SIAH3: variants seen among roughly 807,000 people sequenced by gnomAD.
SIAH3 encodes the protein siah E3 ubiquitin protein ligase family member 3.
Under a neutral mutation model 12.6 loss-of-function variants are expected in SIAH3, and 9 were observed. The ratio of observed to expected loss-of-function variants is 0.72; its 90% confidence interval spans 0.43 to 1.25. The LOEUF (loss-of-function observed/expected upper bound fraction) is 1.25, where lower values mean the gene tolerates loss of function less well. SIAH3 is among the 50% of genes most tolerant of loss of function. The probability of loss-of-function intolerance (pLI) is 0.00; values close to 1 mark genes in which losing one functional copy is unlikely to be tolerated. For missense variants in SIAH3, 390 were observed against 365.4 expected (o/e 1.07, Z -0.55); for synonymous variants, 154 against 151.1 (o/e 1.02, Z -0.14).
chr13:45,782,476 T>C lies in SIAH3; in HGVS notation c.*907A>G, dbSNP rs1343566185. On this transcript the variant is annotated 3_prime_UTR_variant, in exon 2 of 2. Coordinates refer to ENST00000400405, the MANE Select transcript of SIAH3 (RefSeq NM_198849.3). ...CCTAGGGAGGAACTGATGGATTTTA[T>C]AACTTGATAATAAAACTCTCTGAGG... is the stretch of plus-strand genomic sequence containing the variant. The C allele has an allele frequency of 6.6e-6, 1 of 152,172 alleles. No homozygotes were observed. Among genetic ancestry groups the C allele is most frequent in the Non-Finnish European group, 1.5e-5 (1 of 68,018 alleles). The allele number at this position is 152,172 out of a possible 1,614,324, so 9.4% of individuals were successfully genotyped here. A position where few individuals can be genotyped will look rare whatever the true frequency, so the allele number is the denominator to read the frequency against.
Position 45,780,856 on chromosome 13 carries a change from G to A in SIAH3, c.*2527C>T, listed in dbSNP as rs557758413. ...GTTAGTATATTGAGGATACTAATGA[G>A]GATTAACCTGAGACTCAAATCAAAG... On this transcript the variant is annotated 3_prime_UTR_variant, in exon 2 of 2. Transcript: ENST00000400405. 6.6e-6 allele frequency: 1 copy of A among 152,274 alleles called. No homozygotes were observed. The highest frequency in any genetic ancestry group is 1.5e-5 in the Non-Finnish European group (1 of 68,028). The allele number at this position is 152,274 out of a possible 1,614,324, so 9.4% of individuals were successfully genotyped here. A position where few individuals can be genotyped will look rare whatever the true frequency, so the allele number is the denominator to read the frequency against.
chr13:45,838,938 T>C (rs1335619308), intron 1 of SIAH3, among the ~76,000 whole-genome samples: 1 of 152,088 alleles, frequency 6.6e-6, no homozygotes, highest in African/African-American at 2.4e-5. Flanking sequence ...ACTCGGTTCT[T>C]CTCACAGCAG....
At chr13:45,814,991 G>A (rs1841658620) in intron 1 of SIAH3, among the ~76,000 whole-genome samples, 1 of 152,036 alleles carries the variant, frequency 6.6e-6, no homozygotes, top group African/African-American at 2.4e-5. Context: ...CCAAAGTGCT[G>A]GGATTACAGG....
At chr13:45,792,515 G>C (rs1273224061) in intron 1 of SIAH3, among the ~76,000 whole-genome samples, 1 of 151,980 alleles carries the variant, frequency 6.6e-6, no homozygotes, top group Non-Finnish European at 1.5e-5. Context: ...GTGCCATCAT[G>C]CCCTGCTAAG....
At chr13:45,795,612 A>G (rs1325655) in intron 1 of SIAH3, among the ~76,000 whole-genome samples, 80,015 of 151,924 alleles carry the variant, frequency 0.53, 22,331 homozygotes, top group African/African-American at 0.66. Context: ...GACACTTTGC[A>G]CCCCTTCATC....
intron 1 of SIAH3, among the ~76,000 whole-genome samples, chr13:45,843,407 C>T (rs907644875): frequency 1.3e-5 from 2 of 152,106 alleles, no homozygotes; most frequent in Non-Finnish European, 2.9e-5. Context: ...AGCCACCTAC[C>T]CACGTGCTTA....
At position 45,798,090 on chromosome 13, in the gene SIAH3, T is replaced by C. The variant is rs1950569306; in HGVS notation, c.136-14033A>G. ...AAAATGGGAAGTTTATCTTCTTTCTTTTAACAGTATTTAAATTCATTTGTT... is the reference window on the plus strand; with the variant it reads ...AAAATGGGAAGTTTATCTTCTTTCTCTTAACAGTATTTAAATTCATTTGTT... On this transcript the variant is annotated intron_variant, in intron 1 of 1. Transcript: ENST00000400405. Among the ~76,000 whole-genome samples the C allele has an allele frequency of 3.3e-5, 5 of 152,238 alleles. No homozygotes were observed. In the South Asian group the frequency reaches 1.0e-3, roughly 32 times the overall value.
In SIAH3 at chr13:45,780,433, GCT is replaced by G. The variant is rs1950499714; in HGVS notation, c.*2948_*2949del. On this transcript the variant is annotated 3_prime_UTR_variant, in exon 2 of 2. Transcript: ENST00000400405. Reference sequence around the variant, plus strand: ...CTATAGGCTTGTGTCACCATGCCCAGCTGATTTTTTTTTTTGTAGAAATGAAG... The same window carrying G: ...CTATAGGCTTGTGTCACCATGCCCAGGATTTTTTTTTTTGTAGAAATGAAG... 1 of 149,378 alleles carries G rather than the reference GCT, an allele frequency of 6.7e-6. No homozygotes were observed. Among genetic ancestry groups the G allele is most frequent in the African/African-American group, 2.5e-5 (1 of 39,440 alleles). The allele number at this position is 149,378 out of a possible 1,614,324, so 9.3% of individuals were successfully genotyped here. A position where few individuals can be genotyped will look rare whatever the true frequency, so the allele number is the denominator to read the frequency against.
intron 1 of SIAH3, among the ~76,000 whole-genome samples, chr13:45,821,087 A>C (rs918968804): frequency 1.3e-5 from 2 of 152,204 alleles, no homozygotes; most frequent in African/African-American, 4.8e-5. Flanking sequence ...ACGTGACCTT[A>C]TTTGAAGATA....
chr13:45,814,934 G>C (rs1466985474), intron 1 of SIAH3, among the ~76,000 whole-genome samples: 1 of 151,990 alleles, frequency 6.6e-6, no homozygotes, highest in Non-Finnish European at 1.5e-5. Flanking sequence ...CATTGACCAG[G>C]CTGGTCTCAA....
At chr13:45,842,679 C>T (rs1293324847) in intron 1 of SIAH3, among the ~76,000 whole-genome samples, 1 of 152,140 alleles carries the variant, frequency 6.6e-6, no homozygotes, top group African/African-American at 2.4e-5. Flanking sequence ...TTTACAACAA[C>T]CATTTTATAG....
chr13:45,785,506 T>C (rs185842677), intron 1 of SIAH3, among the ~76,000 whole-genome samples: 9 of 152,348 alleles, frequency 5.9e-5, no homozygotes, highest in Non-Finnish European at 1.2e-4. Context: ...TAGCTTCCTT[T>C]CTTTAGGGCA....
At chr13:45,788,242 G>A (rs1275850165) in intron 1 of SIAH3, among the ~76,000 whole-genome samples, 1 of 152,188 alleles carries the variant, frequency 6.6e-6, no homozygotes, top group Non-Finnish European at 1.5e-5. Context: ...AGGGAGAAGG[G>A]ATTCTTTTAA....
At chr13:45,789,410 A>G (rs143358432) in intron 1 of SIAH3, among the ~76,000 whole-genome samples, 79 of 142,650 alleles carry the variant, frequency 5.5e-4, no homozygotes, top group African/African-American at 1.9e-3. Flanking sequence ...CTATCTATCT[A>G]TCTATCTATA....
At chr13:45,823,783 G>T (rs980508054) in intron 1 of SIAH3, among the ~76,000 whole-genome samples, 1 of 152,224 alleles carries the variant, frequency 6.6e-6, no homozygotes, top group Non-Finnish European at 1.5e-5. Context: ...TGGTGGTTTA[G>T]TCCTACAGGC....
intron 1 of SIAH3, among the ~76,000 whole-genome samples, chr13:45,806,445 A>G (rs564293435): frequency 6.6e-6 from 1 of 152,212 alleles, no homozygotes; most frequent in Non-Finnish European, 1.5e-5. Flanking sequence ...AGGCCATGAT[A>G]TTAAGCGAAG....
chr13:45,830,941 G>A (rs1318828075), intron 1 of SIAH3, among the ~76,000 whole-genome samples: 1 of 152,174 alleles, frequency 6.6e-6, no homozygotes, highest in Non-Finnish European at 1.5e-5. Context: ...CACTTTGGGA[G>A]GCTGAGGCAG....
At chr13:45,839,497 A>G (rs1418943248) in intron 1 of SIAH3, among the ~76,000 whole-genome samples, 2 of 152,250 alleles carry the variant, frequency 1.3e-5, no homozygotes, top group African/African-American at 4.8e-5. Context: ...GAGCATTTAC[A>G]TAAAGTTGTG....
chr13:45,815,679 G>A (rs964551190), intron 1 of SIAH3, among the ~76,000 whole-genome samples: 18 of 152,160 alleles, frequency 1.2e-4, no homozygotes, highest in African/African-American at 4.3e-4. Flanking sequence ...CACTAGGAAG[G>A]ACCATGCTTC....
Sources: gnomAD v4.1 joint callset for allele counts (sites outside exome capture counted in the v4.1 genomes callset) on GRCh38, gnomAD v4.1.1 for gene constraint, MANE v1.5 for transcripts, NCBI Gene and HGNC (gene_info 2026-07-23, HGNC 2026-07-21) for gene names.